TSC22D2: variants seen among roughly 807,000 people sequenced by gnomAD.
The protein encoded by TSC22D2 is TSC22 domain family protein 2.
A neutral mutation model predicts 50.1 loss-of-function variants in TSC22D2; 5 were observed. The ratio of observed to expected loss-of-function variants is 0.10; its 90% CI spans 0.05 to 0.21. The LOEUF (loss-of-function observed/expected upper bound fraction) is 0.21, where lower values mean the gene tolerates loss of function less well. TSC22D2 is among the 10% of genes least tolerant of loss of function. The pLI, the probability that TSC22D2 is intolerant of heterozygous loss-of-function variation, is 1.00. For missense variants in TSC22D2, 1,003 were observed against 1,015.5 expected, an observed-to-expected ratio of 0.99 and a Z score of 0.17; for synonymous variants, 501 against 450.1, an observed-to-expected ratio of 1.11 and a Z score of -1.43.
chr3:150,418,547 T>A (rs140107916), intron 1 of TSC22D2, among the ~76,000 whole-genome samples: 1 of 151,914 alleles, frequency 6.6e-6, no homozygotes, highest in Admixed American at 6.6e-5. Context: ...TACATTCTTT[T>A]GAGGCTAACT....
At position 150,411,047 on chromosome 3, in the gene TSC22D2, A is replaced by T; in HGVS notation, c.1697A>T (p.His566Leu). ...GGGCTGCCCTTAGCGCCAGGCACAC[A>T]CAGCGCACCAACAAGTCTACCACAG... ...HVGLPLAPGT[H>L]SAPTSLPQSD... Residue 566 changes from histidine to leucine, a missense_variant, in exon 1 of 3, where the codon CAC (histidine) becomes CTC (leucine). Coordinates refer to ENST00000688009, the MANE Select transcript of TSC22D2 (RefSeq NM_001303264.2). 1 of 1,614,212 alleles carries T rather than the reference A, an allele frequency of 6.2e-7. No homozygotes were observed. The highest frequency in any genetic ancestry group is 8.5e-7 in the Non-Finnish European group (1 of 1,180,046).
chr3:150,461,978 G>A lies in TSC22D2; in HGVS notation c.*3342G>A, dbSNP rs1012162189. ...ATTTGAAGTCACATTTTTAAAAGAA[G>A]CTTTATGGCTCAGTGGCAAGCACTT... On this transcript the variant is annotated 3_prime_UTR_variant, in exon 3 of 3. Coordinates refer to ENST00000688009, the MANE Select transcript of TSC22D2 (RefSeq NM_001303264.2). The A allele has an allele frequency of 5.9e-5, 9 of 152,170 alleles. No individual in the cohort carries two copies. The highest frequency in any genetic ancestry group is 1.9e-4 in the African/African-American group (8 of 41,528). The allele number at this position is 152,170 out of a possible 1,614,324, so 9.4% of individuals were successfully genotyped here.
rs1477225594 is a variant in TSC22D2 at position 150,464,741 on chromosome 3, T to C, written c.*6105T>C. 6.6e-6 allele frequency: 1 copy of C among 152,182 alleles called. No individual in the cohort carries two copies. Among genetic ancestry groups the C allele is most frequent in the Non-Finnish European group, 1.5e-5 (1 of 68,034 alleles). The allele number at this position is 152,182 out of a possible 1,614,324, so 9.4% of individuals were successfully genotyped here. ...AAGCTTTAACATCAAATAATACTTT[T>C]AGAAGGAGGGGAAAAGCCTTCCACC... On this transcript the variant is annotated 3_prime_UTR_variant, in exon 3 of 3. Transcript: ENST00000688009.
rs1251582919 is a variant in TSC22D2, at chr3:150,462,984, CATACTT to C, written c.*4349_*4354del. On this transcript the variant is annotated 3_prime_UTR_variant, in exon 3 of 3. Transcript: ENST00000688009. ...AAAAAAAGATTAAAGAGTCCCAACT[CATACTT>C]GAAAGTTTGACTCGGTCTTTTCCTT... 6.6e-6 allele frequency: 1 copy of C among 152,220 alleles called. No homozygotes were observed. Among genetic ancestry groups the C allele is most frequent in the Non-Finnish European group, 1.5e-5 (1 of 68,056 alleles). 9.4% of individuals were successfully genotyped at this position (152,220 alleles called of 1,614,324 possible).
chr3:150,448,495 C>G (rs1720949058), intron 1 of TSC22D2, among the ~76,000 whole-genome samples: 1 of 152,084 alleles, frequency 6.6e-6, no homozygotes, highest in South Asian at 2.1e-4. Context: ...AAAACAACAA[C>G]TAGCTAGCAC....
At position 150,409,764 on chromosome 3, in the gene TSC22D2, G is replaced by T; in HGVS notation, c.414G>T (p.Gln138His). 6.2e-7 allele frequency: 1 copy of T among 1,601,874 alleles called. No individual in the cohort carries two copies. ...APAPGAPGGP[Q>H]LAGSSAGPVT... Reference sequence around the variant, plus strand: ...CCCCCGGAGCACCCGGCGGCCCCCAGCTCGCGGGCTCATCCGCCGGGCCAG... The same window carrying T: ...CCCCCGGAGCACCCGGCGGCCCCCATCTCGCGGGCTCATCCGCCGGGCCAG... The change falls in exon 1 of 3, where the codon CAG (glutamine) becomes CAT (histidine). Residue 138 changes from glutamine (Q) to histidine (H), a missense_variant. Gln to His is a conservative substitution (Grantham distance 24, BLOSUM62 0). Around this residue, in one of 6 missense-constraint regions of TSC22D2, gnomAD observed 200 missense variants for 182.8 expected, o/e 1.09. Coordinates refer to ENST00000688009, the MANE Select transcript of TSC22D2 (RefSeq NM_001303264.2). The surrounding 1 kb of genome is among the most constrained non-coding windows in gnomAD (Gnocchi z 7.4).
chr3:150,413,195 C>T (rs1348888869), intron 1 of TSC22D2, among the ~76,000 whole-genome samples: 4 of 152,108 alleles, frequency 2.6e-5, no homozygotes, highest in African/African-American at 9.7e-5. Flanking sequence ...TTTATTTTTT[C>T]CTCTTACTGT....
At chr3:150,437,507 A>AAGTCTAG (rs1479154823) in intron 1 of TSC22D2, among the ~76,000 whole-genome samples, 7 of 152,132 alleles carry the variant, frequency 4.6e-5, no homozygotes, top group South Asian at 4.2e-4. Flanking sequence ...CCCATGCTAT[A>AAGTCTAG]AGTCTAGAAA....
At chr3:150,448,297 G>A (rs1394481395) in intron 1 of TSC22D2, among the ~76,000 whole-genome samples, 1 of 152,104 alleles carries the variant, frequency 6.6e-6, no homozygotes, top group African/African-American at 2.4e-5. Context: ...GCAACAGGGT[G>A]AGGCCCTGTT....
At chr3:150,417,472 G>A (rs773986318) in intron 1 of TSC22D2, among the ~76,000 whole-genome samples, 10 of 152,106 alleles carry the variant, frequency 6.6e-5, no homozygotes, top group Non-Finnish European at 1.3e-4. Flanking sequence ...AACCAATAGC[G>A]TGTTTAATTA....
rs531924303 is a variant in TSC22D2 at position 150,434,771 on chromosome 3, C to T, written c.1959-22305C>T. Among the ~76,000 whole-genome samples the T allele has an allele frequency of 1.5e-4, 23 of 152,076 alleles. No homozygotes were observed. The South Asian group carries it at 4.8e-3, about 32-fold the overall frequency. On this transcript the variant is annotated intron_variant, in intron 1 of 2. Coordinates refer to ENST00000688009, the MANE Select transcript of TSC22D2 (RefSeq NM_001303264.2). The stretch of plus-strand genomic sequence containing the variant: ...TAGGTGCATTTGCTATAATGCATAA[C>T]ATACCAAACACTTTATATATGTGTA...
At chr3:150,437,818 A>G (rs968175069) in intron 1 of TSC22D2, among the ~76,000 whole-genome samples, 1 of 151,794 alleles carries the variant, frequency 6.6e-6, no homozygotes, top group Non-Finnish European at 1.5e-5. Context: ...AAAATAAATA[A>G]ATAAATAAAT....
At chr3:150,441,730 G>C (rs558954184) in intron 1 of TSC22D2, among the ~76,000 whole-genome samples, 3 of 152,150 alleles carry the variant, frequency 2.0e-5, no homozygotes, top group African/African-American at 7.2e-5. Flanking sequence ...CTCCAGCCTG[G>C]GCAACAGAGT....
In TSC22D2 at chr3:150,436,245, G is replaced by A. The variant is rs1279188986; in HGVS notation, c.1959-20831G>A. Among the ~76,000 whole-genome samples the A allele has an allele frequency of 4.0e-5, 6 of 151,104 alleles. No homozygotes were observed. The East Asian group carries it at 9.7e-4, about 24-fold the overall frequency. ...GTATACACCCTTAAAATTTTTTTTT[G>A]TAAGTTTCGTAGTAAAATAACTGCT... On this transcript the variant is annotated intron_variant, in intron 1 of 2. Coordinates refer to ENST00000688009, the MANE Select transcript of TSC22D2 (RefSeq NM_001303264.2).
Position 150,458,686 on chromosome 3 carries a change from T to G in TSC22D2, c.*50T>G, listed in dbSNP as rs1396019570. On this transcript the variant is annotated 3_prime_UTR_variant, in exon 3 of 3. Coordinates refer to ENST00000688009, the MANE Select transcript of TSC22D2 (RefSeq NM_001303264.2). ...AAAAACTGAAAGCAATCTATCCTTG[T>G]GTGCCACTGGTGTTCTTTCCACTTT... 6.2e-7 allele frequency: 1 copy of G among 1,601,330 alleles called. No homozygotes were observed. Among genetic ancestry groups the G allele is most frequent in the Non-Finnish European group, 8.5e-7 (1 of 1,173,644 alleles).
chr3:150,411,229 C>A lies in TSC22D2; in HGVS notation c.1879C>A (p.Pro627Thr), dbSNP rs778094986. 16 of 1,614,028 alleles carry A rather than the reference C, an allele frequency of 9.9e-6. No homozygotes were observed. The African/African-American group carries it at 1.6e-4, about 16-fold the overall frequency. ...KPPVADSLAN[P>T]LQLTPMNSLA... ...GCCTGTTGCAGATTCCCTGGCAAACCCCCTTCAGTTAACACCTATGAACAG... is the reference window on the plus strand; with the variant it reads ...GCCTGTTGCAGATTCCCTGGCAAACACCCTTCAGTTAACACCTATGAACAG... Residue 627 changes from proline to threonine, a missense_variant, in exon 1 of 3, where the codon CCC becomes ACC. This residue lies in a region of TSC22D2 where 696 missense variants were observed against 647.8 expected (regional missense o/e 1.07). Transcript: ENST00000688009.
In TSC22D2 at chr3:150,410,025, G is replaced by A. The variant is rs772326746; in HGVS notation, c.675G>A (p.Val225=). The change falls in exon 1 of 3, where the codon GTG becomes GTA. Residue 225 remains valine (V), a synonymous_variant. Transcript: ENST00000688009. ...GCCTGGGCGCCACCGGAGGGTCGGT[G>A]GTGGTAGTAGTGGCCTCCATGCAGG... The part of the protein sequence containing the change: ...DSGLGATGGS[V]VVVVASMQGA... 6.2e-6 allele frequency: 10 copies of A among 1,613,300 alleles called. No individual in the cohort carries two copies. In the African/African-American group the frequency reaches 1.3e-4, roughly 22 times the overall value.
Position 150,444,462 on chromosome 3 carries a change from T to C in TSC22D2, c.1959-12614T>C, listed in dbSNP as rs536830882. Among the ~76,000 whole-genome samples, 12 of 152,264 alleles carry C rather than the reference T, an allele frequency of 7.9e-5. No homozygotes were observed. The South Asian group carries it at 2.3e-3, about 29-fold the overall frequency. Reference sequence around the variant, plus strand: ...AGGTTTAATTCAAGAGAAAGGAACATTTGATAAAGACAAAAAAATTATGGA... The same window carrying C: ...AGGTTTAATTCAAGAGAAAGGAACACTTGATAAAGACAAAAAAATTATGGA... On this transcript the variant is annotated intron_variant, in intron 1 of 2. Transcript: ENST00000688009.
chr3:150,451,321 G>T (rs941078220), intron 1 of TSC22D2, among the ~76,000 whole-genome samples: 33 of 152,142 alleles, frequency 2.2e-4, no homozygotes, highest in African/African-American at 7.2e-4. Flanking sequence ...GAACATTTTC[G>T]TTCTTAGCAA....
Sources: allele counts gnomAD v4.1 joint callset (sites outside exome capture counted in the v4.1 genomes callset), GRCh38; gene constraint gnomAD v4.1.1; regional missense constraint gnomAD v4.1.1; non-coding constraint Gnocchi (gnomAD v3.1); transcripts MANE v1.5; gene names NCBI Gene and HGNC (gene_info 2026-07-23, HGNC 2026-07-21).